Variants in PLA2G6 observed in about 807,000 individuals in gnomAD.
PLA2G6 encodes 85/88 kDa calcium-independent phospholipase A2.
PLA2G6 carries 62 observed loss-of-function variants against 83.8 expected under a neutral mutation model. The ratio of observed to expected loss-of-function variants is 0.74; its 90% CI spans 0.60 to 0.91. PLA2G6 has a LOEUF of 0.91. Ranked by LOEUF, PLA2G6 falls within the 40% of genes least tolerant of loss-of-function variation. PLA2G6 has a pLI of 0.00. For missense variants in PLA2G6, 944 were observed against 1,102.0 expected (o/e 0.86, Z 2.03); for synonymous variants, 417 against 449.8 (o/e 0.93, Z 0.92).
At chr22:38,131,414 T>C (rs2145762553) in intron 7 of PLA2G6, 1 of 152,286 alleles carries the variant, frequency 6.6e-6, no homozygotes, top group South Asian at 2.1e-4. Context: ...TTAAATGAAT[T>C]AATATTTTGA....
intron 12 of PLA2G6, among the ~76,000 whole-genome samples, chr22:38,119,948 A>ACAC (rs747138997): frequency 1.6e-4 from 24 of 152,022 alleles, no homozygotes; most frequent in Non-Finnish European, 2.8e-4. Flanking sequence ...AAACCTAGAA[A>ACAC]CACCACAGAG....
intron 2 of PLA2G6, among the ~76,000 whole-genome samples, chr22:38,166,307 C>T (rs1252234753): frequency 6.6e-6 from 1 of 152,162 alleles, no homozygotes; most frequent in East Asian, 1.9e-4. Context: ...CTGGATCTGG[C>T]ACAGCCCGTT....
chr22:38,166,553 C>A (rs1021327823), intron 2 of PLA2G6, among the ~76,000 whole-genome samples: 1 of 151,912 alleles, frequency 6.6e-6, no homozygotes, highest in Non-Finnish European at 1.5e-5. Context: ...CACAGTGAAA[C>A]CCTGTCTCTA....
At chr22:38,178,155 T>G (rs146295669) in intron 1 of PLA2G6, among the ~76,000 whole-genome samples, 1 of 152,200 alleles carries the variant, frequency 6.6e-6, no homozygotes, top group African/African-American at 2.4e-5. Flanking sequence ...CAGGGGTGAC[T>G]TTAAGAGATC....
intron 2 of PLA2G6, among the ~76,000 whole-genome samples, chr22:38,167,646 CT>C (rs2090272842): frequency 6.6e-6 from 1 of 152,232 alleles, no homozygotes; most frequent in Non-Finnish European, 1.5e-5. Context: ...AATGGCCCCA[CT>C]GTATTAAAAC....
rs770730885 is a variant in PLA2G6 at position 38,112,162 on chromosome 22, C to G, written c.2420G>C (p.Ter807SerextTer54). 9 of 1,579,830 alleles carry G rather than the reference C, an allele frequency of 5.7e-6. No individual in the cohort carries two copies. Among genetic ancestry groups the G allele is most frequent in the Non-Finnish European group, 7.7e-6 (9 of 1,163,384 alleles). The change falls in exon 17 of 17, where the codon TGA becomes TCA. Residue 807 changes from the stop codon to serine (S), a stop_lost. Coordinates refer to ENST00000332509, the MANE Select transcript of PLA2G6 (RefSeq NM_003560.4). ...GGGCCGGTGAGAGGCTGGGGACCCT[C>G]AGGGTGAGAGCAGCAGCTGGATGAG... The part of the protein sequence containing the change: ...QKLIQLLLSP[*>S]
chr22:38,126,371 G>T lies in PLA2G6; in HGVS notation c.1427C>A (p.Thr476Asn). 3 of 1,611,558 alleles carry T rather than the reference G, an allele frequency of 1.9e-6. No individual in the cohort carries two copies. Among genetic ancestry groups the T allele is most frequent in the Non-Finnish European group, 1.7e-6 (2 of 1,177,948 alleles). ...CTGCCCCCGATCTCGATCCACTTAC[G>T]TCCGCTTCTCGTCCCTCATGGAGCC... ...ILGSMRDEKR[T>N]HDHLLCLDGG... Residue 476 changes from threonine to asparagine, a missense_variant and splice_region_variant, in exon 10 of 17, where the codon ACC (threonine) becomes AAC (asparagine). Transcript: ENST00000332509.
intron 9 of PLA2G6, 105 bp from the exon 10 acceptor site, chr22:38,126,554 G>A (rs547460766): frequency 3.9e-5 from 31 of 791,260 alleles, no homozygotes; most frequent in Non-Finnish European, 5.7e-5. Flanking sequence ...CCACGGCCAC[G>A]CCCTCATCCC....
Position 38,144,974 on chromosome 22 carries a change from G to A in PLA2G6, c.425+464C>T, listed in dbSNP as rs11570633. On this transcript the variant is annotated intron_variant, in intron 3 of 16. Coordinates refer to ENST00000332509, the MANE Select transcript of PLA2G6 (RefSeq NM_003560.4). ...AGACCTGGCACCTGGTGAGCACTCC[G>A]GACTCTGGAAACATTACATTGTCCT... 5.0e-3 allele frequency: 1,835 copies of A among 363,372 alleles called. 11 individuals are homozygous for A. The highest frequency in any genetic ancestry group is 7.9e-3 in the Non-Finnish European group (1,496 of 189,362). 22.5% of individuals were successfully genotyped at this position (363,372 alleles called of 1,614,324 possible). A position where few individuals can be genotyped will look rare whatever the true frequency, so the allele number is the denominator to read the frequency against.
intron 1 of PLA2G6, among the ~76,000 whole-genome samples, chr22:38,175,292 G>C (rs941878768): frequency 7.2e-5 from 11 of 152,122 alleles, no homozygotes; most frequent in Non-Finnish European, 1.6e-4. Flanking sequence ...CTTCCAGCCT[G>C]CACGGTTCCC....
intron 8 of PLA2G6, 65 bp downstream of exon 8, chr22:38,129,389 C>T (rs2088067121): frequency 8.9e-7 from 1 of 1,129,400 alleles, no homozygotes; most frequent in Non-Finnish European, 1.4e-6. Flanking sequence ...GGACTTCCCT[C>T]CTCCTCGGTC....
At position 38,113,646 on chromosome 22, in the gene PLA2G6, G is replaced by A; in HGVS notation, c.2043C>T (p.Ala681=). ...CGATGGAGAGTTTCTTCACCTTGTT[G>A]GCCTGACCCTGTTGGGAACAGGACA... ...YNQDLIRKGQ[A]NKVKKLSIVV... is the part of the protein sequence containing the mutation. Residue 681 remains alanine (A), a synonymous_variant, in exon 15 of 17, where the codon GCC becomes GCT. Coordinates refer to ENST00000332509, the MANE Select transcript of PLA2G6 (RefSeq NM_003560.4). 6.2e-7 allele frequency: 1 copy of A among 1,613,710 alleles called. No individual in the cohort carries two copies. The highest frequency in any genetic ancestry group is 8.5e-7 in the Non-Finnish European group (1 of 1,179,994).
chr22:38,169,216 A>C lies in PLA2G6; in HGVS notation c.209+2T>G, dbSNP rs760904035. 10 of 1,609,724 alleles carry C rather than the reference A, an allele frequency of 6.2e-6. No homozygotes were observed. The highest frequency in any genetic ancestry group is 1.7e-6 in the Non-Finnish European group (2 of 1,176,204). On this transcript the variant is annotated splice_donor_variant, in intron 2 of 16. Coordinates refer to ENST00000332509, the MANE Select transcript of PLA2G6 (RefSeq NM_003560.4). LOFTEE classifies it high-confidence loss of function. ...AGTATGTTCCCGCTGAGCATCACCC[A>C]CCGGAATCCACTCTGTGAGTTCCTG... is the stretch of plus-strand genomic sequence containing the variant.
At chr22:38,115,855 G>C (rs977256373) in intron 13 of PLA2G6, 174 bp from the exon 14 acceptor site, 8 of 1,475,164 alleles carry the variant, frequency 5.4e-6, no homozygotes, top group Non-Finnish European at 7.2e-6. Flanking sequence ...TCGTCCTGGT[G>C]GAAGGCAGGT....
At chr22:38,163,461 A>C (rs2090096581) in intron 2 of PLA2G6, 1 of 169,626 alleles carries the variant, frequency 5.9e-6, no homozygotes, top group Non-Finnish European at 1.5e-5. Context: ...TCAGGAACGC[A>C]GAGGAGACTT....
chr22:38,120,907 T>C lies in PLA2G6; in HGVS notation c.1594A>G (p.Lys532Glu). The C allele has an allele frequency of 6.2e-7, 1 of 1,613,420 alleles. No homozygotes were observed. Among genetic ancestry groups the C allele is most frequent in the Non-Finnish European group, 8.5e-7 (1 of 1,180,010 alleles). Reference protein sequence around the residue: ...GILALAILHSKSMAYMRGMYF... With the variant: ...GILALAILHSESMAYMRGMYF... ...ATGCCGCGCATGTAGGCCATGGACT[T>C]ACCTAGGAACAAAGGGGTCAGAGGC... The change falls in exon 12 of 17, where the codon AAG (lysine) becomes GAG (glutamate). Residue 532 changes from lysine to glutamate, a missense_variant and splice_region_variant. Transcript: ENST00000332509.
intron 2 of PLA2G6, among the ~76,000 whole-genome samples, chr22:38,160,565 G>GGC (rs1343970148): frequency 6.6e-6 from 1 of 152,196 alleles, no homozygotes; most frequent in Non-Finnish European, 1.5e-5. Context: ...CCTTTATCTT[G>GGC]GCCGGGGGCG....
At chr22:38,162,656 G>A (rs566080146) in intron 2 of PLA2G6, among the ~76,000 whole-genome samples, 3 of 152,196 alleles carry the variant, frequency 2.0e-5, no homozygotes, top group Non-Finnish European at 4.4e-5. Context: ...CGCTGAGTCA[G>A]GGGCTCACAT....
At chr22:38,159,001 C>T (rs2089903419) in intron 2 of PLA2G6, among the ~76,000 whole-genome samples, 1 of 151,470 alleles carries the variant, frequency 6.6e-6, no homozygotes, top group Non-Finnish European at 1.5e-5. Flanking sequence ...GAGTTCGAGA[C>T]CAGCCTGGCC....
Sources: allele counts gnomAD v4.1 joint callset (sites outside exome capture counted in the v4.1 genomes callset), GRCh38; gene constraint gnomAD v4.1.1; transcripts MANE v1.5; gene names NCBI Gene and HGNC (gene_info 2026-07-23, HGNC 2026-07-21).